The following SRPK2 variants were observed in gnomAD, a reference collection of about 807,000 sequenced individuals.
The protein encoded by SRPK2 is SFRS protein kinase 2.
Under a neutral mutation model 90.8 loss-of-function variants are expected in SRPK2, and 21 were observed. The ratio of observed to expected loss-of-function variants is 0.23; its 90% CI spans 0.16 to 0.33. The LOEUF (loss-of-function observed/expected upper bound fraction) is 0.33, where lower values mean the gene tolerates loss of function less well. SRPK2 is among the 10% of genes least tolerant of loss of function. The pLI is 1.00. For synonymous variants in SRPK2, 288 were observed against 311.1 expected, an observed-to-expected ratio of 0.93 and a Z score of 0.78; for missense variants, 620 against 869.0, an observed-to-expected ratio of 0.71 and a Z score of 3.60.
At chr7:105,390,833 CCT>C (rs936172555), upstream of SRPK2, among the ~76,000 whole-genome samples, 1 of 151,864 alleles carries the variant, frequency 6.6e-6, no homozygotes, top group African/African-American at 2.4e-5. Context: ...CAGAATGTTC[CCT>C]GTTTTGGATT....
At chr7:105,214,630 TA>T (rs1283293347) in intron 2 of SRPK2, among the ~76,000 whole-genome samples, 7 of 152,190 alleles carry the variant, frequency 4.6e-5, no homozygotes, top group African/African-American at 1.7e-4. Context: ...AATAATAAAG[TA>T]CATAGAAATA....
intron 11 of SRPK2, among the ~76,000 whole-genome samples, chr7:105,138,114 C>T (rs146348369): frequency 2.0e-3 from 311 of 152,160 alleles, no homozygotes; most frequent in Non-Finnish European, 3.4e-3. Flanking sequence ...GTGTGTTGGA[C>T]ACAGTAAAAT....
intron 2 of SRPK2, among the ~76,000 whole-genome samples, chr7:105,346,853 T>C (rs1816516074): frequency 9.8e-6 from 1 of 101,794 alleles, no homozygotes; most frequent in South Asian, 4.1e-4. Context: ...TGCTTCTCAT[T>C]TGTTAAAAAA....
intron 2 of SRPK2, among the ~76,000 whole-genome samples, chr7:105,344,100 C>CT (rs1472165657): frequency 6.6e-6 from 1 of 152,048 alleles, no homozygotes; most frequent in Non-Finnish European, 1.5e-5. Context: ...CAAAAGCATT[C>CT]TCCCCAGAGG....
chr7:105,218,942 T>A (rs28722876), intron 2 of SRPK2, among the ~76,000 whole-genome samples: 8,882 of 151,904 alleles, frequency 0.058, 373 homozygotes, highest in Non-Finnish European at 0.08. Flanking sequence ...CAATTTTTTT[T>A]AAAAAAATAA....
intron 7 of SRPK2, among the ~76,000 whole-genome samples, chr7:105,149,108 T>C (rs1315633414): frequency 6.6e-6 from 1 of 152,076 alleles, no homozygotes; most frequent in Non-Finnish European, 1.5e-5. Flanking sequence ...CTGAGATGGA[T>C]TAGTAAAAGA....
At chr7:105,118,979 GT>G (rs1799948102) in intron 15 of SRPK2, among the ~76,000 whole-genome samples, 1 of 152,086 alleles carries the variant, frequency 6.6e-6, no homozygotes, top group Non-Finnish European at 1.5e-5. Context: ...TGAATAACTC[GT>G]TTTCTCTGCC....
chr7:105,217,011 G>A (rs1319400140), intron 2 of SRPK2, among the ~76,000 whole-genome samples: 1 of 152,178 alleles, frequency 6.6e-6, no homozygotes, highest in East Asian at 1.9e-4. Context: ...GGTATGTGGT[G>A]ACAATAAAAC....
intron 2 of SRPK2, among the ~76,000 whole-genome samples, chr7:105,325,909 C>G (rs535323244): frequency 6.6e-6 from 1 of 152,156 alleles, no homozygotes; most frequent in Non-Finnish European, 1.5e-5. Flanking sequence ...TGTGGGACTA[C>G]GACTGAAGGC....
chr7:105,371,885 A>G (rs1315869202), intron 2 of SRPK2, among the ~76,000 whole-genome samples: 1 of 152,150 alleles, frequency 6.6e-6, no homozygotes, highest in Non-Finnish European at 1.5e-5. Context: ...TTATAATTCC[A>G]GCACTTTGGG....
chr7:105,117,858 G>T lies in SRPK2; in HGVS notation c.2080C>A (p.His694Asn). 6.2e-7 allele frequency: 1 copy of T among 1,612,742 alleles called. No homozygotes were observed. The highest frequency in any genetic ancestry group is 8.5e-7 in the Non-Finnish European group (1 of 1,180,024). ...ATTTGCTAAGAATTCAACCAAGGAT[G>T]CCGAAGGCATTCGCCAGCTGAGGCT... ...KRASAGECLR[H>N]PWLNS Residue 694 changes from histidine to asparagine, a missense_variant, in exon 16 of 16, where the codon CAT becomes AAT. By Grantham distance (68) the His-to-Asn change is moderately conservative (BLOSUM62 1). Coordinates refer to ENST00000393651, the MANE Select transcript of SRPK2 (RefSeq NM_182692.3).
At chr7:105,333,123 G>T (rs1180658641) in intron 2 of SRPK2, among the ~76,000 whole-genome samples, 1 of 152,180 alleles carries the variant, frequency 6.6e-6, no homozygotes, top group Non-Finnish European at 1.5e-5. Flanking sequence ...GAACCCGGGT[G>T]GCGGAGGTTG....
At position 105,170,892 on chromosome 7, in the gene SRPK2, AAAGAAAGAAAGAAAGAAAGAAAGG is replaced by A. The variant is rs1375502823; in HGVS notation, c.230-1651_230-1628del. Among the ~76,000 whole-genome samples, 233 of 107,178 alleles carry A rather than the reference AAAGAAAGAAAGAAAGAAAGAAAGG, an allele frequency of 2.2e-3. 12 individuals carry two copies. Among genetic ancestry groups the A allele is most frequent in the African/African-American group, 7.2e-3 (222 of 30,748 alleles). 70.3% of individuals were successfully genotyped at this position (107,178 alleles called of 152,430 possible). On this transcript the variant is annotated intron_variant, in intron 3 of 15. Coordinates refer to ENST00000393651, the MANE Select transcript of SRPK2 (RefSeq NM_182692.3). ...GAAAGAAAGAAAGAAAGAAAGAAAG[AAAGAAAGAAAGAAAGAAAGAAAGG>A]AGAAAGAAAAAGAAAAAGGAAAGAA... is the stretch of plus-strand genomic sequence containing the variant.
intron 3 of SRPK2, 126 bp from the exon 4 acceptor site, chr7:105,169,391 T>A: frequency 1.5e-6 from 1 of 668,968 alleles, no homozygotes; most frequent in Non-Finnish European, 2.5e-6. Context: ...GACTAAAACA[T>A]GTTTAATAAT....
chr7:105,289,074 G>A (rs1389213748), intron 2 of SRPK2, among the ~76,000 whole-genome samples: 1 of 139,114 alleles, frequency 7.2e-6, no homozygotes, highest in East Asian at 2.1e-4. Flanking sequence ...GGCTAACATG[G>A]TGAAACCCCA....
intron 2 of SRPK2, among the ~76,000 whole-genome samples, chr7:105,326,827 G>A (rs1180405839): frequency 6.6e-6 from 1 of 152,034 alleles, no homozygotes; most frequent in African/African-American, 2.4e-5. Flanking sequence ...TTTGGCAGGT[G>A]GAGGCAGGTG....
rs368935482 is a variant in SRPK2, at chr7:105,155,566, GC to G, written c.621+4940del. Among the ~76,000 whole-genome samples, 76 of 152,308 alleles carry G rather than the reference GC, an allele frequency of 5.0e-4. 1 individual carries two copies. The South Asian group carries it at 0.013, about 26-fold the overall frequency. ...CTGATACTGGCTCTGAGGGGTAGAT[GC>G]CAGGGACGCTGCTAAACATCCTATC... On this transcript the variant is annotated intron_variant, in intron 7 of 15. Transcript: ENST00000393651.
At chr7:105,280,689 T>G (rs1173640228) in intron 2 of SRPK2, among the ~76,000 whole-genome samples, 1 of 149,224 alleles carries the variant, frequency 6.7e-6, no homozygotes, top group Non-Finnish European at 1.5e-5. Context: ...GGCTCACCCC[T>G]GTAATCCTAG....
At chr7:105,321,333 G>A (rs970171875) in intron 2 of SRPK2, among the ~76,000 whole-genome samples, 7 of 152,038 alleles carry the variant, frequency 4.6e-5, no homozygotes, top group African/African-American at 1.4e-4. Context: ...ACTTAAAATC[G>A]ACAAACAACC....
Sources: gnomAD v4.1 joint callset for allele counts (sites outside exome capture counted in the v4.1 genomes callset) on GRCh38, gnomAD v4.1.1 for gene constraint, MANE v1.5 for transcripts, NCBI Gene and HGNC (gene_info 2026-07-23, HGNC 2026-07-21) for gene names.